MED13L: variants seen among roughly 807,000 people sequenced by gnomAD.
The protein encoded by MED13L is mediator of RNA polymerase II transcription subunit 13-like.
A neutral mutation model predicts 220.9 loss-of-function variants in MED13L; 7 were observed. That is an observed-to-expected ratio of 0.03 (90% CI 0.02 to 0.06). The LOEUF is 0.06. MED13L is among the 10% of genes least tolerant of loss of function. MED13L has a pLI of 1.00. For synonymous variants in MED13L, 1,011 were observed against 1,015.2 expected, an observed-to-expected ratio of 1.00 and a Z score of 0.08; for missense variants, 1,965 against 2,760.5, an observed-to-expected ratio of 0.71 and a Z score of 6.46.
rs971777798 is a variant in MED13L, at chr12:115,960,376, C to T, written c.*890G>A. 2 of 152,596 alleles carry T rather than the reference C, an allele frequency of 1.3e-5. No homozygotes were observed. Among genetic ancestry groups the T allele is most frequent in the Non-Finnish European group, 2.9e-5 (2 of 68,034 alleles). 9.5% of individuals were successfully genotyped at this position (152,596 alleles called of 1,614,324 possible). ...ATGGCTCTGAGTTGAGCTTGACTGC[C>T]TTCTGTATAAAAATGTTATCCTTCA... On this transcript the variant is annotated 3_prime_UTR_variant, in exon 31 of 31. Transcript: ENST00000281928.
intron 2 of MED13L, among the ~76,000 whole-genome samples, chr12:116,119,152 G>A (rs946874551): frequency 5.3e-5 from 8 of 152,014 alleles, no homozygotes; most frequent in Non-Finnish European, 8.8e-5. Context: ...CACCCCTAAC[G>A]GAAACTAAAA....
intron 1 of MED13L, among the ~76,000 whole-genome samples, chr12:116,246,578 C>G (rs937788711): frequency 6.7e-6 from 1 of 149,810 alleles, no homozygotes; most frequent in African/African-American, 2.5e-5. Flanking sequence ...TTTAGGAGGC[C>G]AAGGCAGAAG....
chr12:116,061,565 G>C (rs1006352603), intron 4 of MED13L, among the ~76,000 whole-genome samples: 1 of 152,048 alleles, frequency 6.6e-6, no homozygotes, highest in Non-Finnish European at 1.5e-5. Flanking sequence ...TTCAGGACAT[G>C]ATAGTTACTA....
intron 14 of MED13L, among the ~76,000 whole-genome samples, chr12:115,997,966 C>T (rs1433805749): frequency 6.6e-6 from 1 of 152,190 alleles, no homozygotes; most frequent in East Asian, 1.9e-4. Context: ...GATTACTCAG[C>T]TAGTTTGACA....
In MED13L at chr12:116,089,525, A is replaced by G. The variant is rs115061130; in HGVS notation, c.479+7144T>C. ...GATTAGTAATAGAGGTGGCAGAAAT[A>G]TATGGTAGACTATAACAGGAATTCA... On this transcript the variant is annotated intron_variant, in intron 4 of 30. Coordinates refer to ENST00000281928, the MANE Select transcript of MED13L (RefSeq NM_015335.5). 1.6e-3 allele frequency among the ~76,000 whole-genome samples: 247 copies of G among 152,304 alleles called. 1 individual carries two copies. Among genetic ancestry groups the G allele is most frequent in the African/African-American group, 5.6e-3 (233 of 41,572 alleles).
rs1460482598 is a variant in MED13L, at chr12:116,012,521, C to A, written c.1280+276G>T. ...TAGTTAAATAAAGTCATTTAAAGGG[C>A]TAAGAACTGTCTTGTCAAACTGATG... is the stretch of plus-strand genomic sequence containing the variant. On this transcript the variant is annotated intron_variant, in intron 9 of 30. Transcript: ENST00000281928. Among the ~76,000 whole-genome samples the A allele has an allele frequency of 2.6e-5, 4 of 152,236 alleles. No homozygotes were observed. In the East Asian group the frequency reaches 7.7e-4, roughly 29 times the overall value.
chr12:116,104,607 A>C (rs1873394535), intron 3 of MED13L, among the ~76,000 whole-genome samples: 1 of 152,222 alleles, frequency 6.6e-6, no homozygotes, highest in South Asian at 2.1e-4. Flanking sequence ...CTGAAGAGCC[A>C]TTATGTTTTA....
chr12:115,972,795 T>C (rs991506769), intron 25 of MED13L, among the ~76,000 whole-genome samples: 5 of 152,186 alleles, frequency 3.3e-5, no homozygotes, highest in South Asian at 2.1e-4. Flanking sequence ...ATAGTGGAGA[T>C]TGAAATGTTG....
At chr12:115,975,788 G>A in intron 23 of MED13L, 50 bp from the exon 24 acceptor site, 1 of 1,562,126 alleles carries the variant, frequency 6.4e-7, no homozygotes, top group African/African-American at 1.4e-5. Context: ...ACAACTTAAT[G>A]ATTACAACAA....
chr12:116,274,484 A>C (rs1873653875), intron 1 of MED13L, among the ~76,000 whole-genome samples: 1 of 151,782 alleles, frequency 6.6e-6, no homozygotes, highest in Non-Finnish European at 1.5e-5. Context: ...TTAAACCATA[A>C]AGCGTTCTTA....
intron 4 of MED13L, among the ~76,000 whole-genome samples, chr12:116,036,927 T>C (rs1881227984): frequency 6.6e-6 from 1 of 152,194 alleles, no homozygotes; most frequent in South Asian, 2.1e-4. Context: ...TTAAATTATT[T>C]TGTGAGGCTC....
chr12:116,247,247 A>G (rs1404568474), intron 1 of MED13L, among the ~76,000 whole-genome samples: 1 of 152,126 alleles, frequency 6.6e-6, no homozygotes, highest in African/African-American at 2.4e-5. Flanking sequence ...TAAAAAAAAA[A>G]AGGAAATTTA....
intron 2 of MED13L, among the ~76,000 whole-genome samples, chr12:116,150,936 G>C (rs1466386038): frequency 1.3e-5 from 2 of 152,058 alleles, no homozygotes; most frequent in Non-Finnish European, 2.9e-5. Flanking sequence ...CTAGAGCTAT[G>C]GTACGTAAAG....
intron 2 of MED13L, among the ~76,000 whole-genome samples, chr12:116,123,126 G>T (rs1235863842): frequency 1.3e-5 from 2 of 151,990 alleles, no homozygotes; most frequent in African/African-American, 4.8e-5. Context: ...CATAAACAAG[G>T]GTCCAGAAGG....
At chr12:116,052,461 T>C (rs1868590019) in intron 4 of MED13L, among the ~76,000 whole-genome samples, 1 of 152,166 alleles carries the variant, frequency 6.6e-6, no homozygotes, top group Admixed American at 6.5e-5. Context: ...AATGAGAAAA[T>C]TGCTCTAATA....
At chr12:116,210,191 C>T (rs1475548197) in intron 2 of MED13L, among the ~76,000 whole-genome samples, 1 of 152,124 alleles carries the variant, frequency 6.6e-6, no homozygotes, top group Non-Finnish European at 1.5e-5. Flanking sequence ...CTAATCACTA[C>T]AACAGTACAC....
At chr12:116,138,847 A>G (rs1199712075) in intron 2 of MED13L, among the ~76,000 whole-genome samples, 1 of 152,224 alleles carries the variant, frequency 6.6e-6, no homozygotes, top group Admixed American at 6.5e-5. Flanking sequence ...AAAATCTCTG[A>G]CTTGGGATGT....
intron 4 of MED13L, among the ~76,000 whole-genome samples, chr12:116,041,972 A>G (rs970933666): frequency 1.3e-5 from 2 of 152,230 alleles, no homozygotes; most frequent in Non-Finnish European, 2.9e-5. Flanking sequence ...AGAGAGATAA[A>G]AACAATTTTT....
At chr12:116,022,673 G>A (rs1880131070) in intron 4 of MED13L, 72 bp from the exon 5 acceptor site, 1 of 1,474,178 alleles carries the variant, frequency 6.8e-7, no homozygotes, top group Non-Finnish European at 9.3e-7. Context: ...GGAACTACAG[G>A]TAAGATACAG....
Sources: gnomAD v4.1 joint callset for allele counts (sites outside exome capture counted in the v4.1 genomes callset) on GRCh38, gnomAD v4.1.1 for gene constraint, MANE v1.5 for transcripts, NCBI Gene and HGNC (gene_info 2026-07-23, HGNC 2026-07-21) for gene names.